Variants in LRRC8D observed in about 807,000 individuals in gnomAD.
LRRC8D encodes volume-regulated anion channel subunit LRRC8D.
Under a neutral mutation model 55.8 loss-of-function variants are expected in LRRC8D, and 20 were observed. The ratio of observed to expected loss-of-function variants is 0.36; its 90% CI spans 0.25 to 0.52. LRRC8D has a LOEUF of 0.52. Ranked by LOEUF, LRRC8D falls within the 20% of genes least tolerant of loss-of-function variation. The pLI, the probability that LRRC8D is intolerant of heterozygous loss-of-function variation, is 0.93. For missense variants in LRRC8D, 651 were observed against 1,030.8 expected, an observed-to-expected ratio of 0.63 and a Z score of 5.05; for synonymous variants, 352 against 377.0, an observed-to-expected ratio of 0.93 and a Z score of 0.77.
At chr1:89,828,990 TATAGAG>T (rs1660827437) in intron 1 of LRRC8D, among the ~76,000 whole-genome samples, 1 of 152,222 alleles carries the variant, frequency 6.6e-6, no homozygotes, top group African/African-American at 2.4e-5. Context: ...TCTCTCATGC[TATAGAG>T]ATAGGACAGA....
intron 2 of LRRC8D, among the ~76,000 whole-genome samples, chr1:89,899,347 T>C (rs1662791430): frequency 6.6e-6 from 1 of 152,202 alleles, no homozygotes; most frequent in African/African-American, 2.4e-5. Flanking sequence ...TTCTGCATGG[T>C]CAAATCAGCC....
intron 2 of LRRC8D, among the ~76,000 whole-genome samples, chr1:89,919,027 A>G (rs978912095): frequency 2.6e-5 from 4 of 152,194 alleles, no homozygotes; most frequent in Admixed American, 6.5e-5. Flanking sequence ...AGGTGGAGGC[A>G]TTGAAACCCA....
At chr1:89,917,226 T>C (rs767450958) in intron 2 of LRRC8D, among the ~76,000 whole-genome samples, 8 of 152,210 alleles carry the variant, frequency 5.3e-5, no homozygotes, top group Non-Finnish European at 1.0e-4. Flanking sequence ...ATCCATTTTA[T>C]TCAATACCTT....
chr1:89,872,770 C>G (rs1662053669), intron 2 of LRRC8D, among the ~76,000 whole-genome samples: 1 of 152,178 alleles, frequency 6.6e-6, no homozygotes, highest in Admixed American at 6.5e-5. Context: ...GAAGGTGCAT[C>G]ACTAGAGAAC....
intron 1 of LRRC8D, among the ~76,000 whole-genome samples, chr1:89,839,921 G>A (rs1661091929): frequency 6.6e-6 from 1 of 152,202 alleles, no homozygotes; most frequent in African/African-American, 2.4e-5. Flanking sequence ...TCTTTCTTAA[G>A]ATGAAGAAAG....
At chr1:89,878,032 G>A (rs1164423442) in intron 2 of LRRC8D, among the ~76,000 whole-genome samples, 1 of 152,128 alleles carries the variant, frequency 6.6e-6, no homozygotes, top group East Asian at 1.9e-4. Context: ...TGATAGCAGT[G>A]ATAGAAATTG....
At position 89,933,352 on chromosome 1, in the gene LRRC8D, C is replaced by A. The variant is rs1367448606; in HGVS notation, c.284C>A (p.Thr95Lys). Residue 95 changes from threonine to lysine, a missense_variant, in exon 3 of 3, where the codon ACA becomes AAA. Around this residue, in one of 5 missense-constraint regions of LRRC8D, gnomAD observed 118 missense variants for 138.0 expected, o/e 0.85. Transcript: ENST00000337338. This position sits in a 1 kb window ranked among gnomAD's most constrained non-coding sequence, Gnocchi z 7.0. ...ATNQDQDGRT[T>K]NDISFGTSAV... ...AACCAAGACCAAGATGGGCGGACAACAAACGACATTTCCTTTGGGACATCT... is the reference window on the plus strand; with the variant it reads ...AACCAAGACCAAGATGGGCGGACAAAAAACGACATTTCCTTTGGGACATCT... 1.9e-6 allele frequency: 3 copies of A among 1,614,060 alleles called. No homozygotes were observed. Among genetic ancestry groups the A allele is most frequent in the Non-Finnish European group, 2.5e-6 (3 of 1,180,046 alleles).
intron 2 of LRRC8D, among the ~76,000 whole-genome samples, chr1:89,865,009 A>G (rs753308081): frequency 5.9e-5 from 9 of 152,158 alleles, no homozygotes; most frequent in Non-Finnish European, 1.3e-4. Flanking sequence ...AAACTGGATT[A>G]GGTCCCCTTG....
intron 2 of LRRC8D, among the ~76,000 whole-genome samples, chr1:89,909,421 T>C (rs1260656257): frequency 6.6e-6 from 1 of 152,068 alleles, no homozygotes; most frequent in Non-Finnish European, 1.5e-5. Context: ...AGCCCCTGAC[T>C]CCATAACTAA....
Position 89,933,250 on chromosome 1 carries a change from C to T in LRRC8D, c.182C>T (p.Pro61Leu), listed in dbSNP as rs1162762567. The T allele has an allele frequency of 1.2e-6, 2 of 1,614,148 alleles. No individual in the cohort carries two copies. The highest frequency in any genetic ancestry group is 1.1e-5 in the South Asian group (1 of 91,088). ...QVVCLPVLPS[P>L]VNSKAHTPPG... ...GTCTGTTTGCCAGTATTGCCATCTC[C>T]TGTAAATTCAAAGGCACATACACCA... The change falls in exon 3 of 3, where the codon CCT (proline) becomes CTT (leucine). Residue 61 changes from proline (P) to leucine (L), a missense_variant. Pro to Leu is a moderately conservative substitution (Grantham distance 98). This residue lies in a region of LRRC8D where 118 missense variants were observed against 138.0 expected (regional missense o/e 0.85). Coordinates refer to ENST00000337338, the MANE Select transcript of LRRC8D (RefSeq NM_001134479.2). This position sits in a 1 kb window ranked among gnomAD's most constrained non-coding sequence, Gnocchi z 7.0.
intron 2 of LRRC8D, among the ~76,000 whole-genome samples, chr1:89,866,656 C>T (rs115864219): frequency 6.6e-6 from 1 of 152,084 alleles, no homozygotes; most frequent in Admixed American, 6.6e-5. Context: ...CTTAGAAAAC[C>T]CCTTCTTGGT....
At chr1:89,914,314 C>A (rs1663204802) in intron 2 of LRRC8D, among the ~76,000 whole-genome samples, 1 of 152,260 alleles carries the variant, frequency 6.6e-6, no homozygotes, top group Admixed American at 6.5e-5. Flanking sequence ...GCACAGCACG[C>A]AGCCTTGGTT....
chr1:89,830,488 A>G (rs1660861591), intron 1 of LRRC8D, among the ~76,000 whole-genome samples: 1 of 152,250 alleles, frequency 6.6e-6, no homozygotes, highest in Non-Finnish European at 1.5e-5. Context: ...TGTACCAAGC[A>G]GAAATTAGAT....
At chr1:89,843,423 A>AG (rs914070333) in intron 1 of LRRC8D, 39 of 349,992 alleles carry the variant, frequency 1.1e-4, no homozygotes, top group Non-Finnish European at 1.7e-4. Flanking sequence ...GGCCACCAGC[A>AG]GGGGGGGCCC....
chr1:89,910,984 G>A (rs1017718480), intron 2 of LRRC8D, among the ~76,000 whole-genome samples: 3 of 152,086 alleles, frequency 2.0e-5, no homozygotes, highest in African/African-American at 4.8e-5. Flanking sequence ...TAAACTAGCC[G>A]CTGTAGGTCA....
At chr1:89,915,383 G>A (rs1221431605) in intron 2 of LRRC8D, among the ~76,000 whole-genome samples, 1 of 152,176 alleles carries the variant, frequency 6.6e-6, no homozygotes, top group Non-Finnish European at 1.5e-5. Flanking sequence ...ACAAGCAACT[G>A]TTTCTTGGGT....
chr1:89,933,471 A>G lies in LRRC8D; in HGVS notation c.403A>G (p.Thr135Ala), dbSNP rs1388473949. 1.9e-6 allele frequency: 3 copies of G among 1,614,072 alleles called. No homozygotes were observed. Among genetic ancestry groups the G allele is most frequent in the Non-Finnish European group, 2.5e-6 (3 of 1,180,044 alleles). ...GGCAAAGAAAGAGAAGAAAGATCCAACAGGTCGAAAAACAAACTTGGATTT... is the reference window on the plus strand; with the variant it reads ...GGCAAAGAAAGAGAAGAAAGATCCAGCAGGTCGAAAAACAAACTTGGATTT... ...QEAKKEKKDP[T>A]GRKTNLDFQQ... Residue 135 changes from threonine to alanine, a missense_variant, in exon 3 of 3, where the codon ACA (threonine) becomes GCA (alanine). By Grantham distance (58) the Thr-to-Ala change is moderately conservative. Coordinates refer to ENST00000337338, the MANE Select transcript of LRRC8D (RefSeq NM_001134479.2). This position sits in a 1 kb window ranked among gnomAD's most constrained non-coding sequence, Gnocchi z 7.0.
chr1:89,905,211 A>G (rs749087637), intron 2 of LRRC8D, among the ~76,000 whole-genome samples: 10 of 152,212 alleles, frequency 6.6e-5, no homozygotes, highest in Non-Finnish European at 1.2e-4. Flanking sequence ...ATGCTCTACA[A>G]GGGTCAAAAA....
chr1:89,849,124 A>G (rs1661350116), intron 2 of LRRC8D, among the ~76,000 whole-genome samples: 1 of 152,182 alleles, frequency 6.6e-6, no homozygotes, highest in African/African-American at 2.4e-5. Context: ...CTCACTGTAT[A>G]TCCTGCTTTC....
Sources: gnomAD v4.1 joint callset for allele counts (sites outside exome capture counted in the v4.1 genomes callset) on GRCh38, gnomAD v4.1.1 for gene constraint, gnomAD v4.1.1 regional missense constraint, Gnocchi (gnomAD v3.1) non-coding constraint, MANE v1.5 for transcripts, NCBI Gene and HGNC (gene_info 2026-07-23, HGNC 2026-07-21) for gene names.